The following SH2D4A variants were observed in gnomAD, a reference collection of about 807,000 sequenced individuals.
The protein encoded by SH2D4A is SH2 domain-containing protein 4A.
SH2D4A carries 70 observed loss-of-function variants against 64.7 expected under a neutral mutation model. The observed-to-expected ratio is 1.08, with a 90% CI of 0.89 to 1.32. The LOEUF is 1.32. Ranked by LOEUF, SH2D4A falls within the 40% of genes most tolerant of loss-of-function variation. The pLI is 0.00. For synonymous variants in SH2D4A, 268 were observed against 200.7 expected, an observed-to-expected ratio of 1.34 and a Z score of -2.83; for missense variants, 706 against 540.1, an observed-to-expected ratio of 1.31 and a Z score of -3.04.
At chr8:19,353,197 AT>A (rs893436615) in intron 4 of SH2D4A, among the ~76,000 whole-genome samples, 1 of 152,048 alleles carries the variant, frequency 6.6e-6, no homozygotes, top group African/African-American at 2.4e-5. Flanking sequence ...TAAAGAGTAT[AT>A]TTCCTGGGTC....
intron 6 of SH2D4A, among the ~76,000 whole-genome samples, chr8:19,362,729 G>A (rs1260022087): frequency 2.0e-5 from 3 of 151,956 alleles, no homozygotes; most frequent in African/African-American, 7.3e-5. Context: ...AATGTAGCAA[G>A]ACTGAGTCTC....
intron 5 of SH2D4A, among the ~76,000 whole-genome samples, chr8:19,360,575 C>T (rs1284972677): frequency 1.3e-5 from 2 of 152,138 alleles, no homozygotes; most frequent in Non-Finnish European, 2.9e-5. Flanking sequence ...GATTATACCA[C>T]TGTACTCCAG....
intron 2 of SH2D4A, among the ~76,000 whole-genome samples, chr8:19,324,721 A>C (rs2052249701): frequency 6.6e-6 from 1 of 151,998 alleles, no homozygotes; most frequent in South Asian, 2.1e-4. Flanking sequence ...TGGTTTTGAG[A>C]TGAGGCTGGG....
At chr8:19,383,275 T>TC (rs2153651364) in intron 8 of SH2D4A, among the ~76,000 whole-genome samples, 1 of 152,258 alleles carries the variant, frequency 6.6e-6, no homozygotes, top group Admixed American at 6.5e-5. Context: ...CTCAGTAACA[T>TC]CCATTGTCCT....
At chr8:19,392,858 C>T (rs1233645770) in intron 8 of SH2D4A, among the ~76,000 whole-genome samples, 1 of 152,076 alleles carries the variant, frequency 6.6e-6, no homozygotes, top group Non-Finnish European at 1.5e-5. Context: ...TCTCCTGCCT[C>T]AGCCTCCTGA....
chr8:19,370,181 C>A (rs1027418553), intron 7 of SH2D4A, among the ~76,000 whole-genome samples: 3 of 152,176 alleles, frequency 2.0e-5, no homozygotes, highest in East Asian at 3.9e-4. Flanking sequence ...TGTGGCCTAA[C>A]ATATTCCTAG....
intron 8 of SH2D4A, among the ~76,000 whole-genome samples, chr8:19,390,295 C>T (rs1006631839): frequency 3.9e-5 from 6 of 152,138 alleles, no homozygotes; most frequent in Non-Finnish European, 8.8e-5. Context: ...GCATGAGAAT[C>T]GCTTGAACCC....
rs191399654 is a variant in SH2D4A at position 19,373,792 on chromosome 8, A to G, written c.1048+132A>G. The G allele has an allele frequency of 8.5e-6, 11 of 1,288,540 alleles. No homozygotes were observed. The Admixed American group carries it at 3.2e-4, about 37-fold the overall frequency. 79.8% of individuals were successfully genotyped at this position (1,288,540 alleles called of 1,614,324 possible). A position where few individuals can be genotyped will look rare whatever the true frequency, so the allele number is the denominator to read the frequency against. On this transcript the variant is annotated intron_variant, in intron 8 of 9. Coordinates refer to ENST00000265807, the MANE Select transcript of SH2D4A (RefSeq NM_022071.4). ...AAAGAGTCTTTCAGATTATTTCACA[A>G]AGCAGTTTTTCAAAGACGCCTCAGT... is the stretch of plus-strand genomic sequence containing the variant.
At chr8:19,332,355 G>T (rs942262275) in intron 2 of SH2D4A, among the ~76,000 whole-genome samples, 1 of 152,134 alleles carries the variant, frequency 6.6e-6, no homozygotes, top group East Asian at 1.9e-4. Flanking sequence ...GGCACATGCA[G>T]CCAGGCGCAG....
intron 8 of SH2D4A, among the ~76,000 whole-genome samples, chr8:19,376,982 C>T (rs1438634620): frequency 1.3e-5 from 2 of 152,086 alleles, no homozygotes; most frequent in African/African-American, 4.8e-5. Context: ...ACACAAAGTA[C>T]CAAGAAAAAT....
chr8:19,386,097 GAGA>G (rs1228944455), intron 8 of SH2D4A, among the ~76,000 whole-genome samples: 3 of 152,214 alleles, frequency 2.0e-5, no homozygotes, highest in Admixed American at 2.0e-4. Context: ...GTGTGTGGCA[GAGA>G]AGGACAGCTG....
chr8:19,316,098 G>A (rs1303577649), intron 1 of SH2D4A, among the ~76,000 whole-genome samples: 1 of 152,108 alleles, frequency 6.6e-6, no homozygotes, highest in African/African-American at 2.4e-5. Context: ...GGGGGTTAGG[G>A]GTTGGGAATT....
At chr8:19,357,392 A>G in intron 5 of SH2D4A, 109 bp downstream of exon 5, 1 of 838,374 alleles carries the variant, frequency 1.2e-6, no homozygotes, top group Non-Finnish European at 2.0e-6. Flanking sequence ...AAGCAGCAGG[A>G]TGGGAAATCT....
intron 2 of SH2D4A, among the ~76,000 whole-genome samples, chr8:19,330,239 C>T (rs1008086818): frequency 6.6e-6 from 1 of 152,168 alleles, no homozygotes; most frequent in Non-Finnish European, 1.5e-5. Flanking sequence ...TATACTAGAA[C>T]AACTTCCCCC....
chr8:19,357,134 T>A (rs545535675), intron 4 of SH2D4A, 69 bp from the exon 5 acceptor site: 38 of 1,269,376 alleles, frequency 3.0e-5, no homozygotes, highest in Non-Finnish European at 4.2e-5. Flanking sequence ...CAGGGAAACA[T>A]TGACAGATTA....
chr8:19,313,929 G>T, intron 1 of SH2D4A, 106 bp downstream of exon 1: 1 of 1,290,838 alleles, frequency 7.7e-7, no homozygotes, highest in Non-Finnish European at 9.8e-7. Context: ...GAGGCGCAGG[G>T]GCCAGAGCGG....
intron 8 of SH2D4A, among the ~76,000 whole-genome samples, chr8:19,384,493 C>T (rs1321466484): frequency 6.6e-6 from 1 of 152,242 alleles, no homozygotes; most frequent in Non-Finnish European, 1.5e-5. Context: ...TCTTGACCTT[C>T]ACATGCAATC....
intron 4 of SH2D4A, among the ~76,000 whole-genome samples, chr8:19,338,972 G>C (rs987711808): frequency 1.3e-5 from 2 of 152,300 alleles, no homozygotes; most frequent in East Asian, 3.9e-4. Flanking sequence ...TCCCACAATA[G>C]GCCATCTGCA....
At chr8:19,356,942 C>A (rs1241163010) in intron 4 of SH2D4A, among the ~76,000 whole-genome samples, 1 of 152,202 alleles carries the variant, frequency 6.6e-6, no homozygotes, top group African/African-American at 2.4e-5. Context: ...TAAATGGGAG[C>A]AAAATATACC....
Sources: gnomAD v4.1 joint callset for allele counts (sites outside exome capture counted in the v4.1 genomes callset) on GRCh38, gnomAD v4.1.1 for gene constraint, MANE v1.5 for transcripts, NCBI Gene and HGNC (gene_info 2026-07-23, HGNC 2026-07-21) for gene names.